Variants in COL11A1 observed in about 807,000 individuals in gnomAD.
The protein encoded by COL11A1 is collagen type XI alpha 1 chain.
In COL11A1, 74 loss-of-function variants were observed where a neutral mutation model predicts 265.2. The ratio of observed to expected loss-of-function variants is 0.28; its 90% CI spans 0.23 to 0.34. The LOEUF is 0.34. Ranked by LOEUF, COL11A1 falls within the 10% of genes least tolerant of loss-of-function variation. The probability of loss-of-function intolerance (pLI) is 1.00; values close to 1 mark genes in which losing one functional copy is unlikely to be tolerated. For missense variants in COL11A1, 2,165 were observed against 2,263.6 expected (o/e 0.96, Z 0.88); for synonymous variants, 816 against 727.6 (o/e 1.12, Z -1.96).
At chr1:102,978,660 C>T in intron 35 of COL11A1, 48 bp downstream of exon 35, 1 of 1,579,938 alleles carries the variant, frequency 6.3e-7, no homozygotes, top group East Asian at 2.2e-5. Context: ...TAAATACTTG[C>T]AGAAATACTA....
intron 38 of COL11A1, among the ~76,000 whole-genome samples, chr1:102,964,838 G>A (rs562354853): frequency 6.6e-6 from 1 of 152,022 alleles, no homozygotes; most frequent in African/African-American, 2.4e-5. Flanking sequence ...CTTTGCCAGG[G>A]AAGAAAAACA....
At chr1:102,966,541 A>T (rs1390314090) in intron 37 of COL11A1, among the ~76,000 whole-genome samples, 1 of 152,178 alleles carries the variant, frequency 6.6e-6, no homozygotes, top group Non-Finnish European at 1.5e-5. Flanking sequence ...AAATCTATTA[A>T]TTCAGACTTT....
At chr1:102,953,418 A>G (rs1183209227) in intron 41 of COL11A1, among the ~76,000 whole-genome samples, 1 of 152,286 alleles carries the variant, frequency 6.6e-6, no homozygotes, top group Non-Finnish European at 1.5e-5. Context: ...TTTTGTTGCC[A>G]TAGATGGAGA....
At chr1:102,934,993 G>C (rs1197878881) in intron 45 of COL11A1, 67 bp downstream of exon 45, 1 of 1,457,184 alleles carries the variant, frequency 6.9e-7, no homozygotes, top group South Asian at 1.1e-5. Flanking sequence ...CTGGTTATGG[G>C]ACAGTATACA....
At chr1:103,002,396 A>G (rs1354930991) in intron 23 of COL11A1, 32 bp downstream of exon 23, 1 of 1,570,040 alleles carries the variant, frequency 6.4e-7, no homozygotes, top group South Asian at 1.2e-5. Context: ...TCCCCCCATT[A>G]TTTCAAAGGA....
intron 4 of COL11A1, among the ~76,000 whole-genome samples, chr1:103,066,977 A>G (rs1671206545): frequency 6.6e-6 from 1 of 151,944 alleles, no homozygotes; most frequent in South Asian, 2.1e-4. Context: ...ACAAGCAGAA[A>G]GATCTAACAA....
Position 102,878,512 on chromosome 1 carries a change from TTTTC to T in COL11A1, c.5275-351_5275-348del, listed in dbSNP as rs1431628854. 1.4e-4 allele frequency among the ~76,000 whole-genome samples: 6 copies of T among 43,442 alleles called. No individual in the cohort carries two copies. In the South Asian group the frequency reaches 4.0e-3, roughly 29 times the overall value. The allele number at this position is 43,442 out of a possible 152,430, so 28.5% of individuals were successfully genotyped here. ...TATATATATATATATATTCTTTTTCTTTTCTTTCTTTTTTTTTTTTTGAGATGAA... is the reference window on the plus strand; with the variant it reads ...TATATATATATATATATTCTTTTTCTTTTCTTTTTTTTTTTTTGAGATGAA... On this transcript the variant is annotated intron_variant, in intron 66 of 66. Coordinates refer to ENST00000370096, the MANE Select transcript of COL11A1 (RefSeq NM_001854.4).
At chr1:102,918,658 T>C (rs1384422707) in intron 49 of COL11A1, among the ~76,000 whole-genome samples, 1 of 151,616 alleles carries the variant, frequency 6.6e-6, no homozygotes, top group African/African-American at 2.4e-5. Flanking sequence ...TAAAAAAAAA[T>C]CAAAAGAAAG....
In COL11A1 at chr1:102,886,675, G is replaced by A. The variant is rs1219788819; in HGVS notation, c.4858+132C>T. 16 of 1,303,504 alleles carry A rather than the reference G, an allele frequency of 1.2e-5. No homozygotes were observed. In the African/African-American group the frequency reaches 1.3e-4, roughly 11 times the overall value. 80.7% of individuals were successfully genotyped at this position (1,303,504 alleles called of 1,614,324 possible). A position where few individuals can be genotyped will look rare whatever the true frequency, so the allele number is the denominator to read the frequency against. On this transcript the variant is annotated intron_variant, in intron 63 of 66. Coordinates refer to ENST00000370096, the MANE Select transcript of COL11A1 (RefSeq NM_001854.4). Reference sequence around the variant, plus strand: ...CAGTATAAATGATTTTTTCTGTCTAGAAGATAATTAATAACTGTTTCATTT... The same window carrying A: ...CAGTATAAATGATTTTTTCTGTCTAAAAGATAATTAATAACTGTTTCATTT...
At position 102,979,364 on chromosome 1, in the gene COL11A1, C is replaced by T. The variant is rs750906344; in HGVS notation, c.2610+18G>A. The T allele has an allele frequency of 4.2e-5, 66 of 1,589,048 alleles. No individual in the cohort carries two copies. The highest frequency in any genetic ancestry group is 5.6e-5 in the Non-Finnish European group (65 of 1,157,878). Reference sequence around the variant, plus strand: ...GAACACTTATATACATAGTTCAAAACATATTTATATATCATACCCGTGCAC... The same window carrying T: ...GAACACTTATATACATAGTTCAAAATATATTTATATATCATACCCGTGCAC... On this transcript the variant is annotated intron_variant, in intron 32 of 66. Transcript: ENST00000370096.
intron 28 of COL11A1, among the ~76,000 whole-genome samples, 172 bp downstream of exon 28, chr1:102,995,691 CA>C (rs999503428): frequency 4.6e-5 from 7 of 151,292 alleles, no homozygotes; most frequent in African/African-American, 1.2e-4. Context: ...ACCCTTATCA[CA>C]AGATATAAGA....
At chr1:103,039,438 G>A (rs1557982166) in intron 4 of COL11A1, among the ~76,000 whole-genome samples, 1 of 152,024 alleles carries the variant, frequency 6.6e-6, no homozygotes, top group Non-Finnish European at 1.5e-5. Context: ...TCTTTAAGAA[G>A]GTAATTAAGG....
chr1:103,039,947 A>G (rs1428627822), intron 4 of COL11A1, among the ~76,000 whole-genome samples: 1 of 152,152 alleles, frequency 6.6e-6, no homozygotes, highest in Non-Finnish European at 1.5e-5. Flanking sequence ...ATCAGAAGTT[A>G]TACACCTGAC....
intron 38 of COL11A1, among the ~76,000 whole-genome samples, chr1:102,963,746 A>G (rs1661140453): frequency 6.6e-6 from 1 of 152,100 alleles, no homozygotes; most frequent in African/African-American, 2.4e-5. Context: ...GTAATTTCTC[A>G]ACTTAACATT....
chr1:102,916,349 T>A (rs978028430), intron 49 of COL11A1, among the ~76,000 whole-genome samples: 5 of 152,124 alleles, frequency 3.3e-5, no homozygotes, highest in African/African-American at 1.2e-4. Flanking sequence ...GGTTTAGCTA[T>A]GAAAGTCTGT....
At chr1:102,930,422 T>A (rs953815403) in intron 46 of COL11A1, among the ~76,000 whole-genome samples, 4 of 151,874 alleles carry the variant, frequency 2.6e-5, no homozygotes, top group African/African-American at 9.7e-5. Flanking sequence ...TGAACCAGCC[T>A]TGCATCCCAG....
At chr1:103,095,612 C>T (rs959394299) in intron 1 of COL11A1, among the ~76,000 whole-genome samples, 1 of 151,958 alleles carries the variant, frequency 6.6e-6, no homozygotes, top group African/African-American at 2.4e-5. Context: ...ACAAATATGT[C>T]TCAACAAAGG....
rs2101800898 is a variant in COL11A1, at chr1:102,997,102, T to C, written c.2219A>G (p.Gln740Arg). ...GPPGHPGKEGQSGEKGALGPP... is the reference protein window; with the variant it reads ...GPPGHPGKEGRSGEKGALGPP... ...TACCAGAGCCCCCTTTTCTCCAGACTGGCCTTCTTTCCCAGGATGACCCTA... is the reference window on the plus strand; with the variant it reads ...TACCAGAGCCCCCTTTTCTCCAGACCGGCCTTCTTTCCCAGGATGACCCTA... The change falls in exon 26 of 67, where the codon CAG (glutamine) becomes CGG (arginine). Residue 740 changes from glutamine to arginine, a missense_variant. Gln to Arg is a conservative substitution (Grantham distance 43). Coordinates refer to ENST00000370096, the MANE Select transcript of COL11A1 (RefSeq NM_001854.4). 6.2e-7 allele frequency: 1 copy of C among 1,612,028 alleles called. No individual in the cohort carries two copies. The highest frequency in any genetic ancestry group is 8.5e-7 in the Non-Finnish European group (1 of 1,178,478).
intron 41 of COL11A1, among the ~76,000 whole-genome samples, chr1:102,948,819 G>C (rs1054584130): frequency 1.3e-5 from 2 of 151,714 alleles, no homozygotes; most frequent in African/African-American, 4.8e-5. Flanking sequence ...CTGTTAACCA[G>C]GTAACAGACT....
Sources: gnomAD v4.1 joint callset for allele counts (sites outside exome capture counted in the v4.1 genomes callset) on GRCh38, gnomAD v4.1.1 for gene constraint, MANE v1.5 for transcripts, NCBI Gene and HGNC (gene_info 2026-07-23, HGNC 2026-07-21) for gene names.